Variants in STK32A observed in about 807,000 individuals in gnomAD.
STK32A encodes serine/threonine kinase 32A.
Under a neutral mutation model 53.2 loss-of-function variants are expected in STK32A, and 41 were observed. The observed-to-expected ratio is 0.77, with a 90% confidence interval of 0.60 to 1.00. The LOEUF is 1.00. Among genes scored for constraint, STK32A ranks in the 50% least tolerant of loss-of-function variants. The pLI is 0.00. For missense variants in STK32A, 458 were observed against 485.8 expected (o/e 0.94, Z 0.54); for synonymous variants, 166 against 162.8 (o/e 1.02, Z -0.15).
intron 10 of STK32A, among the ~76,000 whole-genome samples, chr5:147,374,413 T>C (rs1290886629): frequency 6.6e-6 from 1 of 151,366 alleles, no homozygotes; most frequent in Non-Finnish European, 1.5e-5. Flanking sequence ...AAGTACAAAG[T>C]GAGAGAAAGG....
At chr5:147,359,596 C>T (rs1423273802) in intron 7 of STK32A, among the ~76,000 whole-genome samples, 2 of 152,098 alleles carry the variant, frequency 1.3e-5, no homozygotes, top group Non-Finnish European at 2.9e-5. Context: ...CTCTGAGTGA[C>T]GTGTCTGTCA....
At chr5:147,373,806 G>A (rs1282831051) in intron 10 of STK32A, among the ~76,000 whole-genome samples, 2 of 152,096 alleles carry the variant, frequency 1.3e-5, no homozygotes, top group Non-Finnish European at 2.9e-5. Context: ...ATTCCCATTG[G>A]ATGGATAGCC....
chr5:147,352,705 T>A (rs2151994209), intron 7 of STK32A, among the ~76,000 whole-genome samples: 1 of 152,312 alleles, frequency 6.6e-6, no homozygotes, highest in South Asian at 2.1e-4. Flanking sequence ...TAGATATCTG[T>A]GTAGTTACTG....
the STK32A span, chr5:147,395,799 G>C: frequency 6.6e-7 from 1 of 1,520,990 alleles, no homozygotes; most frequent in Non-Finnish European, 8.9e-7. Context: ...AAATATATTA[G>C]TGAATACAGT....
In STK32A at chr5:147,383,470, T is replaced by C. The variant is rs778893736; in HGVS notation, c.1062T>C (p.Ser354=). ...QTCLLQEHLD[S]VQKEFIIFNR... ...GTCTTCTTCAAGAGCACCTTGACTC[T>C]GTCCAGAAGGAGTTCATAATTTTCA... The change falls in exon 12 of 13, where the codon TCT becomes TCC. Residue 354 remains serine (S), a synonymous_variant. Coordinates refer to ENST00000397936, the MANE Select transcript of STK32A (RefSeq NM_001112724.2). 1 of 1,598,206 alleles carries C rather than the reference T, an allele frequency of 6.3e-7. No homozygotes were observed. The highest frequency in any genetic ancestry group is 8.5e-7 in the Non-Finnish European group (1 of 1,171,942).
chr5:147,325,360 C>G (rs1403511002), intron 5 of STK32A, among the ~76,000 whole-genome samples: 1 of 151,510 alleles, frequency 6.6e-6, no homozygotes, highest in Non-Finnish European at 1.5e-5. Context: ...ACCATGTTGC[C>G]CAGTCTGGTC....
rs182641688 is a variant in STK32A, at chr5:147,337,761, G to T, written c.435-5245G>T. Among the ~76,000 whole-genome samples the T allele has an allele frequency of 2.6e-5, 4 of 152,196 alleles. No homozygotes were observed. In the East Asian group the frequency reaches 7.7e-4, roughly 29 times the overall value. On this transcript the variant is annotated intron_variant, in intron 5 of 12. Coordinates refer to ENST00000397936, the MANE Select transcript of STK32A (RefSeq NM_001112724.2). ...CATTCTTACAAAGAATGTTAAAAGC[G>T]AACTATGGGCAGGAATTGAGGATAT...
At chr5:147,399,059 A>C in the STK32A span, 1 of 1,611,560 alleles carries the variant, frequency 6.2e-7, no homozygotes, top group Non-Finnish European at 8.5e-7. Context: ...ATTCTACTCC[A>C]CTCCCACCAG....
intron 4 of STK32A, among the ~76,000 whole-genome samples, chr5:147,308,162 A>G (rs2400291): frequency 0.61 from 78,550 of 129,448 alleles, 21,343 homozygotes; most frequent in Middle Eastern, 0.67. Flanking sequence ...ATATATATAT[A>G]TGTGTGTACA....
intron 2 of STK32A, among the ~76,000 whole-genome samples, chr5:147,258,234 C>T (rs1754328270): frequency 6.7e-6 from 1 of 148,498 alleles, no homozygotes; most frequent in South Asian, 2.1e-4. Context: ...GTCCAGTTCA[C>T]AGAAAAACTG....
Position 147,361,618 on chromosome 5 carries a change from C to G in STK32A, c.660+4C>G. ...ATATGAACTGCTGAGAGGCCGGGTA[C>G]TGTAGTAGCATTTCCTCTTTGGTTA... On this transcript the variant is annotated splice_donor_region_variant and intron_variant, in intron 8 of 12. Transcript: ENST00000397936. 2.5e-6 allele frequency: 4 copies of G among 1,592,008 alleles called. No homozygotes were observed. Among genetic ancestry groups the G allele is most frequent in the Non-Finnish European group, 3.4e-6 (4 of 1,160,988 alleles).
At chr5:147,282,050 A>G (rs1416103782) in intron 4 of STK32A, among the ~76,000 whole-genome samples, 6 of 152,230 alleles carry the variant, frequency 3.9e-5, no homozygotes, top group African/African-American at 1.2e-4. Context: ...AGACAAACAA[A>G]TGCTGAGAGA....
chr5:147,378,256 C>A (rs2152006588), intron 11 of STK32A, among the ~76,000 whole-genome samples: 1 of 152,184 alleles, frequency 6.6e-6, no homozygotes, highest in East Asian at 1.9e-4. Context: ...CCAGAGGAGG[C>A]AACATTTGAT....
At chr5:147,244,257 A>G (rs1015231821) in intron 2 of STK32A, among the ~76,000 whole-genome samples, 2 of 152,218 alleles carry the variant, frequency 1.3e-5, no homozygotes, top group African/African-American at 4.8e-5. Context: ...TTGTATGGAT[A>G]TACCACATTT....
At chr5:147,302,710 G>A (rs1753199375) in intron 4 of STK32A, among the ~76,000 whole-genome samples, 1 of 152,104 alleles carries the variant, frequency 6.6e-6, no homozygotes, top group South Asian at 2.1e-4. Context: ...AGGAAGAGAG[G>A]TAAGCTATAA....
intron 4 of STK32A, among the ~76,000 whole-genome samples, chr5:147,304,154 G>A (rs1441771773): frequency 2.6e-5 from 4 of 152,164 alleles, no homozygotes; most frequent in South Asian, 2.1e-4. Context: ...CTGTCTGGGC[G>A]GACATGAGTC....
chr5:147,372,438 T>C (rs1286039904), intron 9 of STK32A, among the ~76,000 whole-genome samples: 3 of 151,874 alleles, frequency 2.0e-5, no homozygotes, highest in African/African-American at 7.3e-5. Context: ...GTCAAAGACA[T>C]AGAATGGGGG....
At chr5:147,290,130 G>C (rs1385953249) in intron 4 of STK32A, among the ~76,000 whole-genome samples, 8 of 152,142 alleles carry the variant, frequency 5.3e-5, no homozygotes, top group Non-Finnish European at 1.2e-4. Flanking sequence ...TTGGTGAGCA[G>C]AAATAGACGG....
chr5:147,247,740 T>C (rs1753817239), intron 2 of STK32A, among the ~76,000 whole-genome samples: 1 of 152,218 alleles, frequency 6.6e-6, no homozygotes, highest in Non-Finnish European at 1.5e-5. Flanking sequence ...AATAAAACTT[T>C]ATTTATGGAC....
Sources: allele counts gnomAD v4.1 joint callset (sites outside exome capture counted in the v4.1 genomes callset), GRCh38; gene constraint gnomAD v4.1.1; transcripts MANE v1.5; gene names NCBI Gene and HGNC (gene_info 2026-07-23, HGNC 2026-07-21).